MTDH: variants seen among roughly 807,000 people sequenced by gnomAD.
MTDH encodes the protein metadherin.
Under a neutral mutation model 72.7 loss-of-function variants are expected in MTDH, and 34 were observed. That is an observed-to-expected ratio of 0.47 (90% confidence interval 0.36 to 0.62). The LOEUF is 0.62. MTDH is among the 20% of genes least tolerant of loss of function. The pLI is 0.00. For missense variants in MTDH, 677 were observed against 699.4 expected (o/e 0.97, Z 0.36); for synonymous variants, 266 against 268.9 (o/e 0.99, Z 0.10).
At chr8:97,648,921 TTTTCTC>T (rs911129998) in intron 1 of MTDH, among the ~76,000 whole-genome samples, 12 of 144,724 alleles carry the variant, frequency 8.3e-5, no homozygotes, top group African/African-American at 2.7e-4. Flanking sequence ...TGAGCCCCCT[TTTTCTC>T]TTTAAGTGGA....
At chr8:97,656,057 T>C (rs1226540304) in intron 1 of MTDH, among the ~76,000 whole-genome samples, 1 of 152,124 alleles carries the variant, frequency 6.6e-6, no homozygotes, top group Non-Finnish European at 1.5e-5. Flanking sequence ...TTGGGGGAAG[T>C]TGGTAGACTG....
rs1815458856 is a variant in MTDH at position 97,728,984 on chromosome 8, T to A, written c.*4314T>A. On this transcript the variant is annotated 3_prime_UTR_variant, in exon 12 of 12. Transcript: ENST00000336273. ...TGGAGTGCAGTGGCACACTTCTGGC[T>A]CACTTCAGCCTGGAACTCCCGGGCT... Among the ~76,000 whole-genome samples the A allele has an allele frequency of 6.6e-6, 1 of 150,572 alleles. No individual in the cohort carries two copies. The highest frequency in any genetic ancestry group is 1.5e-5 in the Non-Finnish European group (1 of 67,712).
At chr8:97,679,967 C>A (rs989482455) in intron 2 of MTDH, among the ~76,000 whole-genome samples, 1 of 152,112 alleles carries the variant, frequency 6.6e-6, no homozygotes, top group Admixed American at 6.6e-5. Context: ...TCATAATTTC[C>A]TAAGGAATTA....
At chr8:97,648,765 A>G (rs1488067601) in intron 1 of MTDH, among the ~76,000 whole-genome samples, 1 of 152,238 alleles carries the variant, frequency 6.6e-6, no homozygotes, top group African/African-American at 2.4e-5. Flanking sequence ...GAATAAAATA[A>G]TAGTGTTTCC....
At chr8:97,682,916 G>C (rs527259073) in intron 2 of MTDH, among the ~76,000 whole-genome samples, 1 of 152,076 alleles carries the variant, frequency 6.6e-6, no homozygotes, top group East Asian at 1.9e-4. Context: ...CATAGCTAAT[G>C]TATGATTAAA....
At chr8:97,670,583 C>G (rs1042317277) in intron 2 of MTDH, among the ~76,000 whole-genome samples, 1 of 152,166 alleles carries the variant, frequency 6.6e-6, no homozygotes, top group Non-Finnish European at 1.5e-5. Flanking sequence ...GAGATCGTGC[C>G]ACTGCACTCC....
Position 97,687,432 on chromosome 8 carries a change from C to T in MTDH, c.572C>T (p.Ala191Val). The T allele has an allele frequency of 6.3e-7, 1 of 1,589,850 alleles. No individual in the cohort carries two copies. The highest frequency in any genetic ancestry group is 2.3e-5 in the East Asian group (1 of 43,954). ...TTTTTTTCTGGGGCTATGTCAGGAGCCTGGGAAACTAAAATTAGTCACAGA... is the reference window on the plus strand; with the variant it reads ...TTTTTTTCTGGGGCTATGTCAGGAGTCTGGGAAACTAAAATTAGTCACAGA... Reference protein sequence around the residue: ...RHDGKEVDEGAWETKISHREK... With the variant: ...RHDGKEVDEGVWETKISHREK... Residue 191 changes from alanine to valine, a missense_variant, in exon 4 of 12, where the codon GCC becomes GTC. Ala to Val is a moderately conservative substitution (Grantham distance 64). Coordinates refer to ENST00000336273, the MANE Select transcript of MTDH (RefSeq NM_178812.4).
intron 11 of MTDH, 102 bp downstream of exon 11, chr8:97,723,137 G>GC: frequency 8.0e-7 from 1 of 1,242,372 alleles, no homozygotes; most frequent in Non-Finnish European, 1.1e-6. Context: ...AGTGGCTCAC[G>GC]CCTGTAATCC....
intron 2 of MTDH, among the ~76,000 whole-genome samples, chr8:97,686,372 T>A (rs1417786315): frequency 6.6e-6 from 1 of 152,180 alleles, no homozygotes; most frequent in East Asian, 1.9e-4. Context: ...TTAGTTAATA[T>A]TTAACATCTC....
chr8:97,644,692 G>A lies in MTDH; in HGVS notation c.186G>A (p.Leu62=), dbSNP rs753685103. Reference sequence around the variant, plus strand: ...TGGGCACTGGCGCGCTCGGGCTGCTGCTGCTGTTTCTGCTGGGCTACGGCT... The same window carrying A: ...TGGGCACTGGCGCGCTCGGGCTGCTACTGCTGTTTCTGCTGGGCTACGGCT... The part of the protein sequence containing the change: ...ILVGTGALGL[L]LLFLLGYGWA... Residue 62 remains leucine, a synonymous_variant, in exon 1 of 12, where the codon CTG becomes CTA. Transcript: ENST00000336273. 1.2e-6 allele frequency: 2 copies of A among 1,603,586 alleles called. No homozygotes were observed. The highest frequency in any genetic ancestry group is 1.7e-6 in the Non-Finnish European group (2 of 1,176,916).
chr8:97,687,151 AAGAT>A lies in MTDH; in HGVS notation c.569-274_569-271del, dbSNP rs200451925. 6.4e-3 allele frequency among the ~76,000 whole-genome samples: 977 copies of A among 152,278 alleles called. 11 individuals carry two copies. Among genetic ancestry groups the A allele is most frequent in the African/African-American group, 0.022 (908 of 41,562 alleles). On this transcript the variant is annotated intron_variant, in intron 3 of 11. Coordinates refer to ENST00000336273, the MANE Select transcript of MTDH (RefSeq NM_178812.4). ...TCACTTCTACCTAGCAAGATAAAAA[AAGAT>A]AGACAAGATGACTTATATATATCAC...
At position 97,688,598 on chromosome 8, in the gene MTDH, A is replaced by G. The variant is rs997960981; in HGVS notation, c.746-440A>G. Among the ~76,000 whole-genome samples the G allele has an allele frequency of 4.6e-5, 7 of 152,264 alleles. No homozygotes were observed. In the East Asian group the frequency reaches 9.6e-4, roughly 21 times the overall value. Reference sequence around the variant, plus strand: ...ATAATGTGTATTCTCACCTCTTGCCATATTTCCTAAGTCCTGGTCCCAAAT... The same window carrying G: ...ATAATGTGTATTCTCACCTCTTGCCGTATTTCCTAAGTCCTGGTCCCAAAT... On this transcript the variant is annotated intron_variant, in intron 4 of 11. Transcript: ENST00000336273.
chr8:97,668,023 C>T (rs1455801288), intron 2 of MTDH, among the ~76,000 whole-genome samples: 1 of 152,040 alleles, frequency 6.6e-6, no homozygotes, highest in Admixed American at 6.6e-5. Flanking sequence ...CGCGGTGGCT[C>T]ACGCCTGTAA....
rs952546137 is a variant in MTDH, at chr8:97,668,304, T to A, written c.483+7131T>A. ...TGCATCTCAAAAAAAAAGAAAAAAA[T>A]TTTTGGAAGATCTTTATAACTCAGT... On this transcript the variant is annotated intron_variant, in intron 2 of 11. Transcript: ENST00000336273. Among the ~76,000 whole-genome samples, 10 of 151,542 alleles carry A rather than the reference T, an allele frequency of 6.6e-5. No homozygotes were observed. In the East Asian group the frequency reaches 9.7e-4, roughly 15 times the overall value.
At chr8:97,658,526 C>T (rs1240533447) in intron 1 of MTDH, among the ~76,000 whole-genome samples, 2 of 152,086 alleles carry the variant, frequency 1.3e-5, no homozygotes, top group African/African-American at 2.4e-5. Flanking sequence ...AGTTTTTGAC[C>T]GAATAATTTC....
At chr8:97,673,967 C>T (rs995917140) in intron 2 of MTDH, among the ~76,000 whole-genome samples, 7 of 151,748 alleles carry the variant, frequency 4.6e-5, no homozygotes, top group Non-Finnish European at 8.8e-5. Flanking sequence ...AGAGCGAAAC[C>T]CTATCTCAAA....
chr8:97,722,524 C>T (rs557562570), intron 10 of MTDH, among the ~76,000 whole-genome samples: 5 of 152,284 alleles, frequency 3.3e-5, no homozygotes, highest in African/African-American at 1.2e-4. Flanking sequence ...ATCGTTTGAA[C>T]CCGGGAGGCG....
At position 97,713,643 on chromosome 8, in the gene MTDH, T is replaced by G; in HGVS notation, c.1273-19T>G. On this transcript the variant is annotated intron_variant, in intron 8 of 11. Transcript: ENST00000336273. ...CATAACCATTTGGTTCTCTTTAATATTTTTGCTTTTAACCTAAGGTCTCAG... is the reference window on the plus strand; with the variant it reads ...CATAACCATTTGGTTCTCTTTAATAGTTTTGCTTTTAACCTAAGGTCTCAG... 3 of 1,439,814 alleles carry G rather than the reference T, an allele frequency of 2.1e-6. No individual in the cohort carries two copies. The highest frequency in any genetic ancestry group is 1.9e-6 in the Non-Finnish European group (2 of 1,048,052). 89.2% of individuals were successfully genotyped at this position (1,439,814 alleles called of 1,614,324 possible).
chr8:97,690,877 C>T (rs1186382487), intron 5 of MTDH, 75 bp from the exon 6 acceptor site: 3 of 1,017,472 alleles, frequency 2.9e-6, no homozygotes, highest in Non-Finnish European at 2.9e-6. Flanking sequence ...GTCAAGCAAT[C>T]ATAGAAATGT....
Sources: gnomAD v4.1 joint callset for allele counts (sites outside exome capture counted in the v4.1 genomes callset) on GRCh38, gnomAD v4.1.1 for gene constraint, MANE v1.5 for transcripts, NCBI Gene and HGNC (gene_info 2026-07-23, HGNC 2026-07-21) for gene names.